The following OXR1 variants were observed in gnomAD, a reference collection of about 807,000 sequenced individuals.
The protein encoded by OXR1 is oxidation resistance protein 1.
OXR1 carries 41 observed loss-of-function variants against 104.6 expected under a neutral mutation model. The ratio of observed to expected loss-of-function variants is 0.39; its 90% CI spans 0.31 to 0.51. OXR1 has a LOEUF of 0.51. Among genes scored for constraint, OXR1 ranks in the 20% least tolerant of loss-of-function variants. OXR1 has a pLI of 0.77. For missense variants in OXR1, 955 were observed against 1,031.9 expected, an observed-to-expected ratio of 0.93 and a Z score of 1.02; for synonymous variants, 348 against 348.4, an observed-to-expected ratio of 1.00 and a Z score of 0.01.
At position 106,318,088 on chromosome 8, in the gene OXR1, G is replaced by T. The variant is rs537377941; in HGVS notation, c.-138-41388G>T. On this transcript the variant is annotated intron_variant, in intron 1 of 16. Transcript: ENST00000517566. The stretch of plus-strand genomic sequence containing the variant: ...TAAGTTTTAGATATACTGGGCATAT[G>T]TGATGCTTATTATACACGTAGGCAT... Among the ~76,000 whole-genome samples the T allele has an allele frequency of 1.9e-4, 29 of 152,206 alleles. No individual in the cohort carries two copies. In the South Asian group the frequency reaches 5.8e-3, roughly 30 times the overall value.
At chr8:106,346,293 A>G (rs1263780565) in intron 1 of OXR1, among the ~76,000 whole-genome samples, 1 of 152,222 alleles carries the variant, frequency 6.6e-6, no homozygotes, top group East Asian at 1.9e-4. Context: ...TGTGGAGGCG[A>G]TAGTAAACTA....
intron 2 of OXR1, among the ~76,000 whole-genome samples, chr8:106,400,483 A>G (rs566325387): frequency 1.3e-5 from 2 of 152,334 alleles, no homozygotes; most frequent in South Asian, 4.1e-4. Flanking sequence ...AGGATTTTCC[A>G]ACACTAGTAA....
chr8:106,598,569 C>T (rs987815518), intron 3 of OXR1, among the ~76,000 whole-genome samples: 3 of 152,100 alleles, frequency 2.0e-5, no homozygotes, highest in African/African-American at 7.2e-5. Context: ...TTTCAGGAAC[C>T]GACATGTCCA....
chr8:106,341,296 A>C (rs951174089), intron 1 of OXR1, among the ~76,000 whole-genome samples: 1 of 152,016 alleles, frequency 6.6e-6, no homozygotes, highest in South Asian at 2.1e-4. Context: ...TGAGACTTGA[A>C]TAAGATTGAG....
At chr8:106,315,847 G>A (rs753560285) in intron 1 of OXR1, among the ~76,000 whole-genome samples, 2 of 152,130 alleles carry the variant, frequency 1.3e-5, no homozygotes, top group African/African-American at 4.8e-5. Flanking sequence ...GAGTAAATCC[G>A]GATGAGCCAA....
intron 2 of OXR1, among the ~76,000 whole-genome samples, chr8:106,417,165 T>C (rs557981576): frequency 6.6e-6 from 1 of 152,258 alleles, no homozygotes; most frequent in African/African-American, 2.4e-5. Flanking sequence ...CTGTGTGATC[T>C]CATCTGAAAA....
chr8:106,617,328 C>A (rs1821324905), intron 3 of OXR1, among the ~76,000 whole-genome samples: 1 of 152,040 alleles, frequency 6.6e-6, no homozygotes, highest in African/African-American at 2.4e-5. Context: ...GAGGCTGAGG[C>A]AGGAGAATGG....
intron 3 of OXR1, among the ~76,000 whole-genome samples, chr8:106,671,841 A>G (rs1827022296): frequency 7.6e-6 from 1 of 132,290 alleles, no homozygotes. Context: ...GGGGGGAGGG[A>G]TAGCATTAGG....
intron 3 of OXR1, among the ~76,000 whole-genome samples, chr8:106,639,541 C>T (rs896205198): frequency 8.5e-5 from 13 of 152,098 alleles, no homozygotes; most frequent in African/African-American, 3.1e-4. Flanking sequence ...AAAACAAGTT[C>T]ATTGAGGTAT....
intron 3 of OXR1, among the ~76,000 whole-genome samples, chr8:106,655,847 T>G (rs982783465): frequency 5.3e-5 from 8 of 152,142 alleles, no homozygotes; most frequent in African/African-American, 1.9e-4. Context: ...AGCTCTAGCC[T>G]TCTATGAAAT....
Position 106,275,200 on chromosome 8 carries a change from G to T in OXR1, c.-139+4833G>T, listed in dbSNP as rs148118521. 4.1e-4 allele frequency among the ~76,000 whole-genome samples: 63 copies of T among 152,358 alleles called. 3 individuals carry two copies. The highest frequency in any genetic ancestry group is 1.4e-3 in the African/African-American group (60 of 41,584). On this transcript the variant is annotated intron_variant, in intron 1 of 16. Coordinates refer to ENST00000517566, the MANE Select transcript of OXR1 (RefSeq NM_001198533.2). ...AGGGAAAACAGTTACATGGATTTCTGTACAGCCTAGACAAGGAAGAAATGA... is the reference window on the plus strand; with the variant it reads ...AGGGAAAACAGTTACATGGATTTCTTTACAGCCTAGACAAGGAAGAAATGA...
intron 3 of OXR1, among the ~76,000 whole-genome samples, chr8:106,594,915 A>G (rs965503759): frequency 2.0e-5 from 3 of 150,592 alleles, no homozygotes; most frequent in African/African-American, 7.2e-5. Flanking sequence ...TATCAGAGTG[A>G]TGAAAGAGGC....
At position 106,302,645 on chromosome 8, in the gene OXR1, A is replaced by G. The variant is rs144660336; in HGVS notation, c.-139+32278A>G. Among the ~76,000 whole-genome samples, 78 of 152,256 alleles carry G rather than the reference A, an allele frequency of 5.1e-4. 1 individual carries two copies. In the East Asian group the frequency reaches 0.014, roughly 26 times the overall value. On this transcript the variant is annotated intron_variant, in intron 1 of 16. Coordinates refer to ENST00000517566, the MANE Select transcript of OXR1 (RefSeq NM_001198533.2). ...TGACCTAGGTATAATATAATGACAGAGAAAATGTAATGGCAGTAAAATATA... is the reference window on the plus strand; with the variant it reads ...TGACCTAGGTATAATATAATGACAGGGAAAATGTAATGGCAGTAAAATATA...
At chr8:106,724,974 C>G (rs919259487) in intron 11 of OXR1, among the ~76,000 whole-genome samples, 6 of 152,140 alleles carry the variant, frequency 3.9e-5, no homozygotes, top group African/African-American at 1.4e-4. Flanking sequence ...CTTCCACCAC[C>G]ACCACCACCA....
At chr8:106,293,965 A>AT (rs61559960) in intron 1 of OXR1, among the ~76,000 whole-genome samples, 33,733 of 123,258 alleles carry the variant, frequency 0.27, 5,272 homozygotes, top group Non-Finnish European at 0.34. Context: ...TGACAGTTTA[A>AT]TTTTTTTTTT....
intron 3 of OXR1, among the ~76,000 whole-genome samples, chr8:106,613,141 G>T (rs1240758325): frequency 6.6e-6 from 1 of 151,928 alleles, no homozygotes; most frequent in Non-Finnish European, 1.5e-5. Context: ...CAGAACTTTG[G>T]CTATTTCCCT....
chr8:106,347,189 T>A (rs913604502), intron 1 of OXR1, among the ~76,000 whole-genome samples: 2 of 152,248 alleles, frequency 1.3e-5, no homozygotes, highest in Non-Finnish European at 2.9e-5. Context: ...GAGAAGCCAA[T>A]TGATTTTTAT....
At chr8:106,469,929 A>G (rs1821393648) in intron 2 of OXR1, among the ~76,000 whole-genome samples, 1 of 151,792 alleles carries the variant, frequency 6.6e-6, no homozygotes, top group East Asian at 1.9e-4. Flanking sequence ...TGAATGAAAG[A>G]CACAAATGAA....
intron 1 of OXR1, among the ~76,000 whole-genome samples, chr8:106,300,590 C>T (rs1371322999): frequency 6.6e-6 from 1 of 151,962 alleles, no homozygotes; most frequent in Non-Finnish European, 1.5e-5. Context: ...CACCGTGAAT[C>T]ATTGTTTTTC....
Sources: allele counts gnomAD v4.1 joint callset (sites outside exome capture counted in the v4.1 genomes callset), GRCh38; gene constraint gnomAD v4.1.1; transcripts MANE v1.5; gene names NCBI Gene and HGNC (gene_info 2026-07-23, HGNC 2026-07-21).